Variants in ADGRG2 observed in about 807,000 individuals in gnomAD.
ADGRG2 encodes adhesion G protein-coupled receptor G2.
A neutral mutation model predicts 74.1 loss-of-function variants in ADGRG2; 26 were observed. The observed-to-expected ratio is 0.35, with a 90% CI of 0.26 to 0.49. The LOEUF (loss-of-function observed/expected upper bound fraction) is 0.49. ADGRG2 is among the 20% of genes least tolerant of loss of function. The pLI is 0.99. For synonymous variants in ADGRG2, 296 were observed against 295.2 expected (o/e 1.00, Z -0.03); for missense variants, 619 against 763.1 (o/e 0.81, Z 2.22).
chrX:18,995,511 G>A (rs766405399), intron 27 of ADGRG2, among the ~76,000 whole-genome samples: 66 of 110,489 alleles, frequency 6.0e-4, no homozygotes, highest in African/African-American at 2.1e-3. Flanking sequence ...TTTTCAAACA[G>A]TACTTCATTT....
intron 1 of ADGRG2, among the ~76,000 whole-genome samples, chrX:19,114,465 C>T (rs2062474905): frequency 9.0e-6 from 1 of 111,567 alleles, no homozygotes; most frequent in African/African-American, 3.3e-5. Flanking sequence ...ATTTATCAAG[C>T]TCCCCCAGTG....
At chrX:19,001,760 T>G (rs1225693038) in intron 24 of ADGRG2, among the ~76,000 whole-genome samples, 1 of 111,444 alleles carries the variant, frequency 9.0e-6, no homozygotes, top group East Asian at 2.8e-4. Flanking sequence ...GTAGGAATAT[T>G]TAGCCTGAAA....
At chrX:19,055,213 T>G (rs1054541790) in intron 3 of ADGRG2, among the ~76,000 whole-genome samples, 2 of 111,414 alleles carry the variant, frequency 1.8e-5, no homozygotes, top group Non-Finnish European at 3.8e-5. Flanking sequence ...ACAGTTGTAT[T>G]AGGACAAATC....
chrX:19,017,677 G>A (rs769968430), intron 15 of ADGRG2, among the ~76,000 whole-genome samples: 2 of 111,776 alleles, frequency 1.8e-5, no homozygotes, highest in East Asian at 5.6e-4. Context: ...TGTTCCTCAA[G>A]GTCCAACGTT....
At chrX:19,035,198 C>T (rs1356387819) in intron 7 of ADGRG2, 1 of 112,081 alleles carries the variant, frequency 8.9e-6, no homozygotes, top group Non-Finnish European at 1.9e-5. Context: ...TCGCTAGGCA[C>T]GACCTTTCTA....
At chrX:19,087,936 G>A (rs760538626) in intron 1 of ADGRG2, among the ~76,000 whole-genome samples, 1 of 110,585 alleles carries the variant, frequency 9.0e-6, no homozygotes, top group Non-Finnish European at 1.9e-5. Context: ...TATTCCGGGG[G>A]CTAGAATGTT....
chrX:19,024,748 C>G (rs1416178708), intron 11 of ADGRG2, among the ~76,000 whole-genome samples: 1 of 112,254 alleles, frequency 8.9e-6, no homozygotes. Flanking sequence ...GTTGAGAAAA[C>G]CTGCTCCAAG....
chrX:19,109,931 A>G (rs1325912214), intron 1 of ADGRG2, among the ~76,000 whole-genome samples: 1 of 111,579 alleles, frequency 9.0e-6, no homozygotes, highest in East Asian at 2.8e-4. Context: ...CAGGATCCTA[A>G]CACAGAAATA....
At chrX:19,054,287 A>G (rs1177037387) in intron 3 of ADGRG2, among the ~76,000 whole-genome samples, 2 of 112,131 alleles carry the variant, frequency 1.8e-5, no homozygotes, top group East Asian at 2.8e-4. Flanking sequence ...CTTACGTTTT[A>G]TAAGTTCTTG....
intron 1 of ADGRG2, among the ~76,000 whole-genome samples, chrX:19,109,896 C>T (rs949803079): frequency 9.0e-6 from 1 of 111,315 alleles, no homozygotes; most frequent in Non-Finnish European, 1.9e-5. Context: ...AATGTAATTC[C>T]CCTTTGTCTA....
chrX:19,106,616 A>G (rs1238994175), intron 1 of ADGRG2, among the ~76,000 whole-genome samples: 1 of 110,352 alleles, frequency 9.1e-6, no homozygotes, highest in Non-Finnish European at 1.9e-5. Flanking sequence ...TTGCTATTCC[A>G]GGTTAAAAAA....
intron 3 of ADGRG2, among the ~76,000 whole-genome samples, chrX:19,042,064 G>A (rs76028616): frequency 5.5e-4 from 61 of 111,268 alleles, no homozygotes; most frequent in African/African-American, 1.9e-3. Flanking sequence ...CACTCACCTC[G>A]GCCTCCCAAA....
intron 18 of ADGRG2, 114 bp from the exon 19 acceptor site, chrX:19,008,237 A>T (rs61442719): frequency 0.011 from 5,353 of 492,341 alleles, 25 homozygotes; most frequent in African/African-American, 0.041. Flanking sequence ...TTTTTTTTTA[A>T]AAAAAGATAA....
At chrX:19,031,119 G>A (rs755229999) in intron 8 of ADGRG2, 82 bp from the exon 9 acceptor site, 12 of 663,553 alleles carry the variant, frequency 1.8e-5, no homozygotes, top group African/African-American at 6.4e-5. Flanking sequence ...ATTCATAAAC[G>A]TAGGCATCAA....
At chrX:19,063,281 G>A (rs2061515892) in intron 3 of ADGRG2, among the ~76,000 whole-genome samples, 1 of 111,516 alleles carries the variant, frequency 9.0e-6, no homozygotes, top group Non-Finnish European at 1.9e-5. Context: ...GCCCCGGGTC[G>A]GGGGAGCTGC....
At chrX:19,089,097 G>A (rs1347519951) in intron 1 of ADGRG2, among the ~76,000 whole-genome samples, 1 of 112,042 alleles carries the variant, frequency 8.9e-6, no homozygotes, top group East Asian at 2.8e-4. Context: ...TTATTATCTA[G>A]CCCTATTTGA....
chrX:18,992,342 T>G (rs1300701506), intron 28 of ADGRG2, among the ~76,000 whole-genome samples: 1 of 112,453 alleles, frequency 8.9e-6, no homozygotes, highest in East Asian at 2.8e-4. Context: ...CATGCTGGAG[T>G]GCAGTGGTGA....
At chrX:19,024,959 GA>G (rs1314927705) in intron 11 of ADGRG2, among the ~76,000 whole-genome samples, 2 of 111,586 alleles carry the variant, frequency 1.8e-5, no homozygotes, top group Non-Finnish European at 3.8e-5. Context: ...ATTTTTTGTA[GA>G]GACCACGTCT....
At chrX:19,072,465 T>C (rs1470038346) in intron 2 of ADGRG2, among the ~76,000 whole-genome samples, 1 of 112,180 alleles carries the variant, frequency 8.9e-6, no homozygotes, top group African/African-American at 3.2e-5. Context: ...TAAAGACTCA[T>C]TCTTGAGCTT....
Sources: gnomAD v4.1 joint callset for allele counts (sites outside exome capture counted in the v4.1 genomes callset) on GRCh38, gnomAD v4.1.1 for gene constraint, MANE v1.5 for transcripts, NCBI Gene and HGNC (gene_info 2026-07-23, HGNC 2026-07-21) for gene names.